The following CNNM2 variants were observed in gnomAD, a reference collection of about 807,000 sequenced individuals.
CNNM2 encodes the protein cyclin and CBS domain divalent metal cation transport mediator 2.
Under a neutral mutation model 66.9 loss-of-function variants are expected in CNNM2, and 12 were observed. That is an observed-to-expected ratio of 0.18 (90% CI 0.11 to 0.29). The LOEUF (loss-of-function observed/expected upper bound fraction) is 0.29, where lower values mean the gene tolerates loss of function less well. CNNM2 is among the 10% of genes least tolerant of loss of function. The pLI is 1.00. For missense variants in CNNM2, 705 were observed against 1,167.7 expected, an observed-to-expected ratio of 0.60 and a Z score of 5.77; for synonymous variants, 557 against 501.8, an observed-to-expected ratio of 1.11 and a Z score of -1.47.
At chr10:102,932,537 T>C (rs1416582322) in intron 1 of CNNM2, among the ~76,000 whole-genome samples, 2 of 152,208 alleles carry the variant, frequency 1.3e-5, no homozygotes, top group Non-Finnish European at 2.9e-5. Flanking sequence ...AACTTTATTG[T>C]TTTGCATGTG....
chr10:102,943,028 C>A (rs1762135457), intron 1 of CNNM2, among the ~76,000 whole-genome samples: 2 of 152,122 alleles, frequency 1.3e-5, no homozygotes, highest in African/African-American at 4.8e-5. Flanking sequence ...AGTTCAAAAC[C>A]AGCCTGGCCA....
Position 103,089,197 on chromosome 10 carries a change from A to T in CNNM2, c.*12017A>T. ...AAAACTTGACCTTAACAGAGACTAC[A>T]TTTGATCATGGAAATAATACATTTC... is the stretch of plus-strand genomic sequence containing the variant. On this transcript the variant is annotated 3_prime_UTR_variant, in exon 8 of 8. Coordinates refer to ENST00000369878, the MANE Select transcript of CNNM2 (RefSeq NM_017649.5). 1 of 223,162 alleles carries T rather than the reference A, an allele frequency of 4.5e-6. No individual in the cohort carries two copies. The highest frequency in any genetic ancestry group is 8.9e-6 in the Non-Finnish European group (1 of 111,824). 13.8% of individuals were successfully genotyped at this position (223,162 alleles called of 1,614,324 possible).
At position 102,919,959 on chromosome 10, in the gene CNNM2, C is replaced by G; in HGVS notation, c.1479C>G (p.Asp493Glu). The part of the protein sequence containing the change: ...VFEGERSNIV[D>E]LLFVKDLAFV... ...AAGGGGAGCGCTCCAATATCGTGGA[C>G]CTGCTGTTTGTCAAAGACTTGGCCT... The change falls in exon 1 of 8, where the codon GAC becomes GAG. Residue 493 changes from aspartate (D) to glutamate (E), a missense_variant. Physicochemically the swap from Asp to Glu is conservative, Grantham distance 45. Transcript: ENST00000369878. The G allele has an allele frequency of 1.9e-6, 3 of 1,614,228 alleles. No homozygotes were observed. Among genetic ancestry groups the G allele is most frequent in the African/African-American group, 2.7e-5 (2 of 75,054 alleles).
intron 1 of CNNM2, among the ~76,000 whole-genome samples, chr10:102,937,033 G>A (rs1211318317): frequency 6.6e-6 from 1 of 152,140 alleles, no homozygotes. Context: ...TGTTTGGGGT[G>A]AAAGATGAGT....
intron 1 of CNNM2, among the ~76,000 whole-genome samples, chr10:102,929,216 T>A (rs956800777): frequency 6.6e-6 from 1 of 152,104 alleles, no homozygotes; most frequent in African/African-American, 2.4e-5. Flanking sequence ...GCCGAGATCA[T>A]GCCACTGTAC....
chr10:103,052,384 T>A lies in CNNM2; in HGVS notation c.1766-1945T>A, dbSNP rs17115395. ...GGAAGGCGATTTACCATTTAGGAGA[T>A]CCTATGTTTGCACTTCAGTTTTATA... On this transcript the variant is annotated intron_variant, in intron 2 of 7. Transcript: ENST00000369878. 0.012 allele frequency among the ~76,000 whole-genome samples: 1,777 copies of A among 152,190 alleles called. 32 individuals carry two copies. Among genetic ancestry groups the A allele is most frequent in the African/African-American group, 0.04 (1,655 of 41,520 alleles).
chr10:103,062,081 TC>T (rs1263423061), intron 4 of CNNM2, among the ~76,000 whole-genome samples: 2 of 152,182 alleles, frequency 1.3e-5, no homozygotes, highest in African/African-American at 4.8e-5. Context: ...TTATAGCAAA[TC>T]TATTAACTAT....
At chr10:102,920,488 A>G (rs1845587406) in intron 1 of CNNM2, among the ~76,000 whole-genome samples, 1 of 151,830 alleles carries the variant, frequency 6.6e-6, no homozygotes, top group Admixed American at 6.6e-5. Flanking sequence ...ATGCCATGCC[A>G]TTTGGTGGAC....
chr10:102,951,357 C>T (rs1846825806), intron 1 of CNNM2, among the ~76,000 whole-genome samples: 1 of 151,770 alleles, frequency 6.6e-6, no homozygotes, highest in South Asian at 2.1e-4. Flanking sequence ...CCACCATGCC[C>T]TGATAATTTT....
chr10:102,992,176 C>T (rs561735499), intron 1 of CNNM2, among the ~76,000 whole-genome samples: 130 of 151,654 alleles, frequency 8.6e-4, no homozygotes, highest in African/African-American at 3.0e-3. Context: ...TGACATTCTT[C>T]TACTTGCTTC....
intron 1 of CNNM2, among the ~76,000 whole-genome samples, chr10:102,992,105 G>C (rs1244155654): frequency 6.6e-6 from 1 of 151,986 alleles, no homozygotes; most frequent in Non-Finnish European, 1.5e-5. Context: ...GACAATTTGA[G>C]CAAATAATCT....
At chr10:102,931,863 AAAAG>A (rs1055266963) in intron 1 of CNNM2, among the ~76,000 whole-genome samples, 5 of 151,896 alleles carry the variant, frequency 3.3e-5, no homozygotes, top group African/African-American at 1.2e-4. Context: ...AAAAAAAAAA[AAAAG>A]AATGCCATCC....
At chr10:103,028,538 A>G (rs546196606) in intron 1 of CNNM2, among the ~76,000 whole-genome samples, 20 of 152,318 alleles carry the variant, frequency 1.3e-4, no homozygotes, top group Admixed American at 1.2e-3. Context: ...TGGTGCCAAT[A>G]AGAGTTAAAA....
intron 1 of CNNM2, among the ~76,000 whole-genome samples, chr10:103,006,980 A>C (rs1024111105): frequency 2.0e-5 from 3 of 152,030 alleles, no homozygotes; most frequent in African/African-American, 7.2e-5. Flanking sequence ...TAACCCAATA[A>C]ATTTCTATCA....
Position 103,085,273 on chromosome 10 carries a change from G to A in CNNM2, c.*8093G>A, listed in dbSNP as rs531421582. Reference sequence around the variant, plus strand: ...TGCAGTTCTACTAAGTCATTGACTTGAGGTCAGTGGGTCCAAAAAGTGACT... The same window carrying A: ...TGCAGTTCTACTAAGTCATTGACTTAAGGTCAGTGGGTCCAAAAAGTGACT... On this transcript the variant is annotated 3_prime_UTR_variant, in exon 8 of 8. Transcript: ENST00000369878. 2 of 152,292 alleles carry A rather than the reference G, an allele frequency of 1.3e-5. No homozygotes were observed. The highest frequency in any genetic ancestry group is 4.1e-4 in the South Asian group (2 of 4,830). 9.4% of individuals were successfully genotyped at this position (152,292 alleles called of 1,614,324 possible). A position where few individuals can be genotyped will look rare whatever the true frequency, so the allele number is the denominator to read the frequency against.
intron 1 of CNNM2, among the ~76,000 whole-genome samples, chr10:103,001,230 A>G (rs996896437): frequency 7.9e-5 from 12 of 152,196 alleles, no homozygotes; most frequent in African/African-American, 2.9e-4. Context: ...TTGCAGGATT[A>G]AAAGAGGTGT....
intron 1 of CNNM2, 79 bp downstream of exon 1, chr10:102,920,180 A>G: frequency 6.2e-7 from 1 of 1,612,274 alleles, no homozygotes; most frequent in East Asian, 2.2e-5. Flanking sequence ...CTACCCTCAG[A>G]CCAACCCCCC....
At chr10:102,994,634 A>G (rs1343157838) in intron 1 of CNNM2, among the ~76,000 whole-genome samples, 3 of 152,232 alleles carry the variant, frequency 2.0e-5, no homozygotes, top group East Asian at 3.8e-4. Flanking sequence ...TTAGGAAACC[A>G]CACTGATCAG....
At position 103,084,280 on chromosome 10, in the gene CNNM2, T is replaced by C. The variant is rs2065782944; in HGVS notation, c.*7100T>C. 6.6e-6 allele frequency: 1 copy of C among 152,226 alleles called. No individual in the cohort carries two copies. The highest frequency in any genetic ancestry group is 1.5e-5 in the Non-Finnish European group (1 of 68,042). The allele number at this position is 152,226 out of a possible 1,614,324, so 9.4% of individuals were successfully genotyped here. A position where few individuals can be genotyped will look rare whatever the true frequency, so the allele number is the denominator to read the frequency against. Reference sequence around the variant, plus strand: ...ACCGTGGCATTTGCAGTCTTTTACTTACACTTGTTCTGTGGATGGAGACAT... The same window carrying C: ...ACCGTGGCATTTGCAGTCTTTTACTCACACTTGTTCTGTGGATGGAGACAT... On this transcript the variant is annotated 3_prime_UTR_variant, in exon 8 of 8. Transcript: ENST00000369878.
Sources: gnomAD v4.1 joint callset for allele counts (sites outside exome capture counted in the v4.1 genomes callset) on GRCh38, gnomAD v4.1.1 for gene constraint, MANE v1.5 for transcripts, NCBI Gene and HGNC (gene_info 2026-07-23, HGNC 2026-07-21) for gene names.